The following PCSK2 variants were observed in gnomAD, a reference collection of about 807,000 sequenced individuals.
PCSK2 encodes neuroendocrine convertase 2.
In PCSK2, 14 loss-of-function variants were observed where a neutral mutation model predicts 69.7. That is an observed-to-expected ratio of 0.20 (90% CI 0.13 to 0.31). The LOEUF (loss-of-function observed/expected upper bound fraction) is 0.31, where lower values mean the gene tolerates loss of function less well. PCSK2 is among the 10% of genes least tolerant of loss of function. The pLI is 1.00. For synonymous variants in PCSK2, 307 were observed against 320.7 expected (o/e 0.96, Z 0.46); for missense variants, 544 against 842.5 (o/e 0.65, Z 4.39).
chr20:17,431,978 TGTTC>T (rs1247963918), intron 7 of PCSK2, among the ~76,000 whole-genome samples: 7 of 152,136 alleles, frequency 4.6e-5, no homozygotes, highest in South Asian at 2.1e-4. Context: ...AAAGTCGAGG[TGTTC>T]GTTCGTTACA....
intron 6 of PCSK2, among the ~76,000 whole-genome samples, chr20:17,416,896 A>G (rs2032011547): frequency 1.3e-5 from 2 of 152,204 alleles, no homozygotes. Flanking sequence ...GCTGGAAATC[A>G]TCATTCTCAG....
intron 2 of PCSK2, among the ~76,000 whole-genome samples, chr20:17,299,531 T>A (rs1989007801): frequency 6.6e-6 from 1 of 152,088 alleles, no homozygotes; most frequent in African/African-American, 2.4e-5. Flanking sequence ...TTTAATCCAG[T>A]TTCAAAAAAA....
chr20:17,412,475 T>A (rs904581953), intron 6 of PCSK2, among the ~76,000 whole-genome samples: 10 of 151,928 alleles, frequency 6.6e-5, no homozygotes, highest in Admixed American at 2.6e-4. Flanking sequence ...AAGACAAGGT[T>A]AGAGAAAAAA....
chr20:17,435,790 G>T (rs943020591), intron 7 of PCSK2, among the ~76,000 whole-genome samples: 1 of 152,224 alleles, frequency 6.6e-6, no homozygotes, highest in Admixed American at 6.5e-5. Context: ...AGAGAGGCAT[G>T]TGACCCCGTC....
chr20:17,282,314 ATGTATG>A (rs1292779316), intron 2 of PCSK2, among the ~76,000 whole-genome samples: 1 of 152,180 alleles, frequency 6.6e-6, no homozygotes, highest in African/African-American at 2.4e-5. Context: ...GATGATACAT[ATGTATG>A]TTAATATCAA....
intron 2 of PCSK2, among the ~76,000 whole-genome samples, chr20:17,344,829 G>A (rs571595157): frequency 6.6e-6 from 1 of 152,152 alleles, no homozygotes; most frequent in East Asian, 1.9e-4. Flanking sequence ...CCTCCTTTCT[G>A]TGATGGTGCC....
chr20:17,248,936 A>G, intron 1 of PCSK2, among the ~76,000 whole-genome samples: 1 of 152,024 alleles, frequency 6.6e-6, no homozygotes, highest in Non-Finnish European at 1.5e-5. Context: ...TTCTGCAGAG[A>G]GCTCCCATTC....
Position 17,453,663 on chromosome 20 carries a change from A to G in PCSK2, c.886-79A>G, listed in dbSNP as rs188681823. 3.9e-5 allele frequency: 59 copies of G among 1,516,482 alleles called. No homozygotes were observed. In the African/African-American group the frequency reaches 7.7e-4, roughly 20 times the overall value. The allele number at this position is 1,516,482 out of a possible 1,614,324, so 93.9% of individuals were successfully genotyped here. A position where few individuals can be genotyped will look rare whatever the true frequency, so the allele number is the denominator to read the frequency against. On this transcript the variant is annotated intron_variant, in intron 8 of 11. Coordinates refer to ENST00000262545, the MANE Select transcript of PCSK2 (RefSeq NM_002594.5). This position sits in a 1 kb window ranked among gnomAD's most constrained non-coding sequence, Gnocchi z 4.0. ...TAGGTTCAACTGCTGAAGAAGCCCA[A>G]CCCCTGGGCTGGAGACCTCCCCTGC...
At chr20:17,448,911 T>G (rs1055598349) in intron 8 of PCSK2, among the ~76,000 whole-genome samples, 143 of 141,624 alleles carry the variant, frequency 1.0e-3, no homozygotes, top group African/African-American at 3.8e-3. Context: ...TTTTTTTTTT[T>G]TCCTTTCACC....
Position 17,239,212 on chromosome 20 carries a change from A to C in PCSK2, c.177+11730A>C, listed in dbSNP as rs377664691. On this transcript the variant is annotated intron_variant, in intron 1 of 11. Coordinates refer to ENST00000262545, the MANE Select transcript of PCSK2 (RefSeq NM_002594.5). ...TTAGCTTCTCCTCTATTTCTGTGGG[A>C]AGAAAAAATATCACTTTTATCAGGG... is the stretch of plus-strand genomic sequence containing the variant. Among the ~76,000 whole-genome samples, 18 of 152,322 alleles carry C rather than the reference A, an allele frequency of 1.2e-4. No homozygotes were observed. The East Asian group carries it at 3.3e-3, about 28-fold the overall frequency.
chr20:17,381,046 C>T (rs74181952), intron 5 of PCSK2, among the ~76,000 whole-genome samples: 16 of 152,258 alleles, frequency 1.1e-4, no homozygotes, highest in Middle Eastern at 3.4e-3. Context: ...TACATTAGAG[C>T]GGTCTGGAGC....
chr20:17,482,091 C>A lies in PCSK2; in HGVS notation c.*21C>A. On this transcript the variant is annotated 3_prime_UTR_variant, in exon 12 of 12. Coordinates refer to ENST00000262545, the MANE Select transcript of PCSK2 (RefSeq NM_002594.5). ...ACTAGCGCTGCACATCCGCCTTTCC[C>A]ACCGCCCTCCCTCCCCAGCTCCGCC... is the stretch of plus-strand genomic sequence containing the variant. 1 of 1,532,320 alleles carries A rather than the reference C, an allele frequency of 6.5e-7. No individual in the cohort carries two copies. Among genetic ancestry groups the A allele is most frequent in the South Asian group, 1.3e-5 (1 of 77,592 alleles). 94.9% of individuals were successfully genotyped at this position (1,532,320 alleles called of 1,614,324 possible).
intron 6 of PCSK2, among the ~76,000 whole-genome samples, chr20:17,423,018 TAAAG>T (rs1223366335): frequency 6.6e-6 from 1 of 151,994 alleles, no homozygotes; most frequent in Non-Finnish European, 1.5e-5. Flanking sequence ...TAGGAAAAAA[TAAAG>T]AAAAACATCT....
At position 17,260,624 on chromosome 20, in the gene PCSK2, C is replaced by T. The variant is rs764952014; in HGVS notation, c.282+280C>T. 2.0e-5 allele frequency among the ~76,000 whole-genome samples: 3 copies of T among 152,078 alleles called. No individual in the cohort carries two copies. The East Asian group carries it at 5.8e-4, about 29-fold the overall frequency. On this transcript the variant is annotated intron_variant, in intron 2 of 11. Coordinates refer to ENST00000262545, the MANE Select transcript of PCSK2 (RefSeq NM_002594.5). The stretch of plus-strand genomic sequence containing the variant: ...CTGAGTTATTATTGGGTGAGGACTT[C>T]GGGTTGCCTGGGAACATGTTTTGGC...
At chr20:17,367,886 C>T (rs1019296319) in intron 4 of PCSK2, among the ~76,000 whole-genome samples, 2 of 152,194 alleles carry the variant, frequency 1.3e-5, no homozygotes, top group African/African-American at 4.8e-5. Flanking sequence ...GCCTTTCCCT[C>T]TGAAGACTTC....
At chr20:17,335,963 A>G (rs1301343896) in intron 2 of PCSK2, among the ~76,000 whole-genome samples, 1 of 149,834 alleles carries the variant, frequency 6.7e-6, no homozygotes, top group Admixed American at 6.7e-5. Flanking sequence ...GCAATTTTGA[A>G]TTGTGTGGCT....
intron 2 of PCSK2, among the ~76,000 whole-genome samples, chr20:17,265,951 A>G (rs1409754073): frequency 1.3e-5 from 2 of 152,222 alleles, no homozygotes; most frequent in Non-Finnish European, 2.9e-5. Context: ...ACTCCTCTCA[A>G]TACGAAGTCT....
intron 2 of PCSK2, among the ~76,000 whole-genome samples, chr20:17,267,433 TGTGGG>T (rs1443135668): frequency 6.6e-6 from 1 of 152,174 alleles, no homozygotes; most frequent in Non-Finnish European, 1.5e-5. Context: ...TGCCCCAACC[TGTGGG>T]AAAAATTCAT....
intron 2 of PCSK2, among the ~76,000 whole-genome samples, chr20:17,320,270 T>G (rs1190299939): frequency 6.6e-6 from 1 of 152,160 alleles, no homozygotes; most frequent in Non-Finnish European, 1.5e-5. Context: ...CATATAGAAC[T>G]CATAGGACAT....
Sources: allele counts gnomAD v4.1 joint callset (sites outside exome capture counted in the v4.1 genomes callset), GRCh38; gene constraint gnomAD v4.1.1; non-coding constraint Gnocchi (gnomAD v3.1); transcripts MANE v1.5; gene names NCBI Gene and HGNC (gene_info 2026-07-23, HGNC 2026-07-21).